The following KDM2B variants were observed in gnomAD, a reference collection of about 807,000 sequenced individuals.
The protein encoded by KDM2B is lysine demethylase 2B.
In KDM2B, 26 loss-of-function variants were observed where a neutral mutation model predicts 150.0. The observed-to-expected ratio is 0.17, with a 90% confidence interval of 0.13 to 0.24. KDM2B has a LOEUF of 0.24. Among genes scored for constraint, KDM2B ranks in the 10% least tolerant of loss-of-function variants. The pLI is 1.00. For missense variants in KDM2B, 1,265 were observed against 1,816.9 expected (o/e 0.70, Z 5.52); for synonymous variants, 734 against 729.5 (o/e 1.01, Z -0.10).
Position 121,513,463 on chromosome 12 carries a change from G to GA in KDM2B, c.1048-62dup. Reference sequence around the variant, plus strand: ...TCCAGAGGGCGAAGGGGGAAGGAGGGAGAGAAGTGCGGGGCAGGCTCCCTG... The same window carrying GA: ...TCCAGAGGGCGAAGGGGGAAGGAGGGAAGAGAAGTGCGGGGCAGGCTCCCTG... On this transcript the variant is annotated intron_variant, in intron 9 of 22. Transcript: ENST00000377071. This position sits in a 1 kb window ranked among gnomAD's most constrained non-coding sequence, Gnocchi z 5.0. 1 of 1,586,438 alleles carries GA rather than the reference G, an allele frequency of 6.3e-7. No individual in the cohort carries two copies. The highest frequency in any genetic ancestry group is 8.6e-7 in the Non-Finnish European group (1 of 1,158,414).
intron 12 of KDM2B, among the ~76,000 whole-genome samples, chr12:121,478,620 A>G (rs762804483): frequency 1.2e-4 from 18 of 151,984 alleles, no homozygotes; most frequent in Non-Finnish European, 1.8e-4. Context: ...CGGCCTCCCA[A>G]AGTGCTGGGA....
At chr12:121,487,275 A>G (rs1275797503) in intron 12 of KDM2B, among the ~76,000 whole-genome samples, 2 of 152,196 alleles carry the variant, frequency 1.3e-5, no homozygotes, top group Non-Finnish European at 2.9e-5. Context: ...CATTATTTAG[A>G]AGCAGCAGAA....
chr12:121,550,035 C>T (rs898092689), intron 4 of KDM2B, among the ~76,000 whole-genome samples: 6 of 151,948 alleles, frequency 3.9e-5, no homozygotes, highest in African/African-American at 7.2e-5. Flanking sequence ...GATGGCCAGG[C>T]ATGATGGCTC....
At chr12:121,508,390 C>T (rs55724002) in intron 11 of KDM2B, among the ~76,000 whole-genome samples, 8,003 of 152,242 alleles carry the variant, frequency 0.053, 288 homozygotes, top group Middle Eastern at 0.099. Flanking sequence ...CTGGCCCGCA[C>T]CCAGTGAATC....
At chr12:121,457,041 C>T (rs782657638) in intron 12 of KDM2B, among the ~76,000 whole-genome samples, 1 of 152,286 alleles carries the variant, frequency 6.6e-6, no homozygotes, top group South Asian at 2.1e-4. Flanking sequence ...ACAGGTAAGA[C>T]AGACCTCGGA....
intron 12 of KDM2B, among the ~76,000 whole-genome samples, chr12:121,454,895 T>G (rs1877980495): frequency 6.6e-6 from 1 of 152,018 alleles, no homozygotes; most frequent in Admixed American, 6.6e-5. Flanking sequence ...AGGGACCCCC[T>G]CTCACAACAC....
intron 12 of KDM2B, among the ~76,000 whole-genome samples, chr12:121,485,306 G>A (rs1385640872): frequency 1.3e-5 from 2 of 152,110 alleles, no homozygotes; most frequent in Non-Finnish European, 2.9e-5. Flanking sequence ...ACCAGTTTGA[G>A]GATGTTGAAA....
chr12:121,437,399 G>A (rs1874186401), intron 22 of KDM2B, among the ~76,000 whole-genome samples: 2 of 151,746 alleles, frequency 1.3e-5, no homozygotes, highest in Non-Finnish European at 2.9e-5. Context: ...CCAAAAATTG[G>A]AAAAGATGGA....
At chr12:121,478,017 AC>A (rs1881585903) in intron 12 of KDM2B, among the ~76,000 whole-genome samples, 1 of 152,182 alleles carries the variant, frequency 6.6e-6, no homozygotes, top group Middle Eastern at 3.4e-3. Flanking sequence ...TGTTGGGATT[AC>A]AGGCGTGAGC....
chr12:121,523,702 C>A (rs940026462), intron 8 of KDM2B, among the ~76,000 whole-genome samples: 4 of 152,230 alleles, frequency 2.6e-5, no homozygotes, highest in Non-Finnish European at 4.4e-5. Context: ...GCTGGCCATC[C>A]TCAGGGGAGA....
In KDM2B at chr12:121,443,537, C is replaced by T. The variant is rs1875558719; in HGVS notation, c.2565+143G>A. ...CAGCTTCCCAGGCCCCAAGCCAGAA[C>T]CACGAGCCAGAGATCTGGGGCCGAG... On this transcript the variant is annotated intron_variant, in intron 17 of 22. Coordinates refer to ENST00000377071, the MANE Select transcript of KDM2B (RefSeq NM_032590.5). The T allele has an allele frequency of 6.1e-6, 4 of 650,548 alleles. No homozygotes were observed. In the South Asian group the frequency reaches 7.0e-5, roughly 11 times the overall value. 40.3% of individuals were successfully genotyped at this position (650,548 alleles called of 1,614,324 possible).
At chr12:121,419,915 C>A in the KDM2B span, 3 of 183,310 alleles carry the variant, frequency 1.6e-5, no homozygotes, top group Non-Finnish European at 3.5e-5. Context: ...TTTGCAGGTA[C>A]TTTGATAATG....
intron 6 of KDM2B, among the ~76,000 whole-genome samples, chr12:121,543,065 AGGCCCGGCGCAGTG>A (rs1328716517): frequency 1.3e-5 from 2 of 152,206 alleles, no homozygotes; most frequent in Non-Finnish European, 2.9e-5. Flanking sequence ...AAAATCACTG[AGGCCCGGCGCAGTG>A]GGTCATGGGT....
At chr12:121,547,668 G>C (rs1195966363) in intron 6 of KDM2B, among the ~76,000 whole-genome samples, 1 of 54,616 alleles carries the variant, frequency 1.8e-5, no homozygotes, top group Non-Finnish European at 3.5e-5. Flanking sequence ...TTTTTTTTTT[G>C]AGACAGAGTC....
intron 6 of KDM2B, chr12:121,536,099 C>T: frequency 1.0e-6 from 1 of 985,744 alleles, no homozygotes; most frequent in Non-Finnish European, 1.2e-6. Context: ...AGGGAGGAGC[C>T]AGCAGCGCGC....
rs202163479 is a variant in KDM2B at position 121,454,422 on chromosome 12, GC to G, written c.1735-1079del. On this transcript the variant is annotated intron_variant, in intron 12 of 22. Coordinates refer to ENST00000377071, the MANE Select transcript of KDM2B (RefSeq NM_032590.5). ...AGGTGGACAGAGAGCTGGGCTAGTA[GC>G]TAAGCCAGGAAAATGGGACAGCCAC... 7.4e-3 allele frequency among the ~76,000 whole-genome samples: 1,128 copies of G among 152,274 alleles called. 29 individuals carry two copies. The highest frequency in any genetic ancestry group is 0.048 in the Admixed American group (731 of 15,302).
At chr12:121,431,677 C>T (rs1460094665) in intron 22 of KDM2B, among the ~76,000 whole-genome samples, 3 of 152,064 alleles carry the variant, frequency 2.0e-5, no homozygotes, top group African/African-American at 7.2e-5. Flanking sequence ...TACAGCTAGT[C>T]CTTTCAGACA....
At chr12:121,488,035 A>G (rs1269650962) in intron 12 of KDM2B, among the ~76,000 whole-genome samples, 2 of 152,044 alleles carry the variant, frequency 1.3e-5, no homozygotes, top group Admixed American at 6.6e-5. Flanking sequence ...CGCCCGCCTC[A>G]GCCTCCCAAA....
At chr12:121,416,435 G>A in the KDM2B span, 1 of 1,183,574 alleles carries the variant, frequency 8.4e-7, no homozygotes, top group Non-Finnish European at 1.3e-6. Flanking sequence ...TTGATTGTAG[G>A]TTATTTTGAA....
Sources: gnomAD v4.1 joint callset for allele counts (sites outside exome capture counted in the v4.1 genomes callset) on GRCh38, gnomAD v4.1.1 for gene constraint, Gnocchi (gnomAD v3.1) non-coding constraint, MANE v1.5 for transcripts, NCBI Gene and HGNC (gene_info 2026-07-23, HGNC 2026-07-21) for gene names.